USP4: variants seen among roughly 807,000 people sequenced by gnomAD.
USP4 encodes the protein ubiquitin specific peptidase 4.
Under a neutral mutation model 118.2 loss-of-function variants are expected in USP4, and 72 were observed. The ratio of observed to expected loss-of-function variants is 0.61; its 90% CI spans 0.50 to 0.74. The LOEUF is 0.74. Ranked by LOEUF, USP4 falls within the 30% of genes least tolerant of loss-of-function variation. The pLI is 0.00. For synonymous variants in USP4, 415 were observed against 440.4 expected (o/e 0.94, Z 0.72); for missense variants, 1,037 against 1,185.7 (o/e 0.87, Z 1.84).
intron 1 of USP4, among the ~76,000 whole-genome samples, chr3:49,336,374 A>G (rs2107807276): frequency 6.6e-6 from 1 of 150,942 alleles, no homozygotes; most frequent in Non-Finnish European, 1.5e-5. Context: ...GAGTTTCACC[A>G]TGTTGGCCAG....
intron 1 of USP4, among the ~76,000 whole-genome samples, chr3:49,338,940 G>C (rs561118262): frequency 1.2e-3 from 186 of 152,258 alleles, no homozygotes; most frequent in Non-Finnish European, 2.0e-3. Flanking sequence ...AAGGTCAAGA[G>C]TTTGAGACCA....
chr3:49,326,048 G>A (rs964585885), intron 3 of USP4, among the ~76,000 whole-genome samples: 2 of 152,190 alleles, frequency 1.3e-5, no homozygotes, highest in African/African-American at 4.8e-5. Flanking sequence ...CGCGTGTGGT[G>A]GCTCACGCTT....
At chr3:49,320,230 C>G (rs1208429948) in intron 6 of USP4, among the ~76,000 whole-genome samples, 1 of 152,020 alleles carries the variant, frequency 6.6e-6, no homozygotes, top group Non-Finnish European at 1.5e-5. Flanking sequence ...TCTTTTTTTC[C>G]AAGAGACAGG....
At chr3:49,305,943 C>G (rs550422390) in intron 8 of USP4, 55 bp from the exon 9 acceptor site, 14 of 1,485,552 alleles carry the variant, frequency 9.4e-6, no homozygotes, top group African/African-American at 2.8e-5. Context: ...ACCAGAGATA[C>G]AAGATAAATC....
chr3:49,278,802 T>C lies in USP4; in HGVS notation c.2733+12A>G. 5.1e-6 allele frequency: 8 copies of C among 1,582,626 alleles called. No individual in the cohort carries two copies. Among genetic ancestry groups the C allele is most frequent in the Non-Finnish European group, 6.9e-6 (8 of 1,158,564 alleles). On this transcript the variant is annotated intron_variant, in intron 21 of 21. Transcript: ENST00000265560. The stretch of plus-strand genomic sequence containing the variant: ...CGACATGAGGAAGAACCACATATCA[T>C]GGCCTACTCACCACTATCTGATCCT...
Position 49,277,239 on chromosome 3 carries a change from C to T in USP4, c.*1054G>A, listed in dbSNP as rs779261657. On this transcript the variant is annotated 3_prime_UTR_variant, in exon 22 of 22. Transcript: ENST00000265560. ...ACGGTCATCGCATGCGCGTGCCCCG[C>T]GCAGGCCCCAAACCCCCACGGATTA... 3.0e-6 allele frequency: 4 copies of T among 1,311,634 alleles called. No homozygotes were observed. In the South Asian group the frequency reaches 4.9e-5, roughly 16 times the overall value. The allele number at this position is 1,311,634 out of a possible 1,614,324, so 81.2% of individuals were successfully genotyped here.
At position 49,302,560 on chromosome 3, in the gene USP4, G is replaced by T; in HGVS notation, c.1129-18C>A. 2 of 1,609,170 alleles carry T rather than the reference G, an allele frequency of 1.2e-6. No individual in the cohort carries two copies. Among genetic ancestry groups the T allele is most frequent in the Non-Finnish European group, 1.7e-6 (2 of 1,178,510 alleles). On this transcript the variant is annotated intron_variant, in intron 9 of 21. Transcript: ENST00000265560. ...ACTTGAGTCTACAACAAAAGCAACT[G>T]TATCAGAAGGCATAATACGTAAAGA...
intron 2 of USP4, among the ~76,000 whole-genome samples, chr3:49,330,834 C>T (rs2107803230): frequency 6.6e-6 from 1 of 150,510 alleles, no homozygotes; most frequent in East Asian, 2.0e-4. Context: ...CATGGTGAAA[C>T]CCCGTCTCTA....
In USP4 at chr3:49,310,650, T is replaced by TCCCAGGTTTCCAAGTCCACAGAG; in HGVS notation, c.901_923dup (p.Asn309SerfsTer13). On this transcript the variant is annotated frameshift_variant, in exon 8 of 22. Transcript: ENST00000265560. LOFTEE classifies it high-confidence loss of function. ...AAGCGGAGTTCATGAAGCAGGTGTT[T>TCCCAGGTTTCCAAGTCCACAGAG]CCCAGGTTTCCAAGTCCACAGAGCC... 6.2e-7 allele frequency: 1 copy of TCCCAGGTTTCCAAGTCCACAGAG among 1,614,110 alleles called. No homozygotes were observed. The highest frequency in any genetic ancestry group is 8.5e-7 in the Non-Finnish European group (1 of 1,179,996).
rs555874115 is a variant in USP4, at chr3:49,278,889, C to T, written c.2658G>A (p.Ala886=). Reference sequence around the variant, plus strand: ...ACCATTTACCATTCAGTTTGTTCTTCGCATATGCAGTGTCTGCCAAGTCAA... The same window carrying T: ...ACCATTTACCATTCAGTTTGTTCTTTGCATATGCAGTGTCTGCCAAGTCAA... ...AMGVGHYTAY[A]KNKLNGKWYY... Residue 886 remains alanine, a synonymous_variant, in exon 21 of 22, where the codon GCG becomes GCA. Transcript: ENST00000265560. The T allele has an allele frequency of 5.6e-6, 9 of 1,611,500 alleles. No homozygotes were observed. The East Asian group carries it at 8.9e-5, about 16-fold the overall frequency.
At chr3:49,314,115 G>A (rs912043807) in intron 6 of USP4, 1 of 152,182 alleles carries the variant, frequency 6.6e-6, no homozygotes, top group Non-Finnish European at 1.5e-5. Context: ...AAGATGTACT[G>A]TTCCCACACA....
intron 2 of USP4, among the ~76,000 whole-genome samples, chr3:49,330,199 CA>C (rs772896258): frequency 2.7e-5 from 4 of 150,316 alleles, no homozygotes; most frequent in African/African-American, 1.0e-4. Context: ...AACAAACAAA[CA>C]AAAAAAGTTG....
chr3:49,279,734 T>C (rs2046997743), intron 20 of USP4, among the ~76,000 whole-genome samples: 1 of 152,172 alleles, frequency 6.6e-6, no homozygotes, highest in Non-Finnish European at 1.5e-5. Flanking sequence ...ACTATAGCAT[T>C]GACTGCACAA....
At chr3:49,281,711 T>C (rs2107763681) in intron 19 of USP4, among the ~76,000 whole-genome samples, 1 of 131,528 alleles carries the variant, frequency 7.6e-6, no homozygotes, top group African/African-American at 3.0e-5. Context: ...CGTAACTCCG[T>C]CTCAAAAAAA....
chr3:49,284,431 T>C lies in USP4; in HGVS notation c.2390+35A>G, dbSNP rs180724783. 159 of 1,563,514 alleles carry C rather than the reference T, an allele frequency of 1.0e-4. No individual in the cohort carries two copies. In the Admixed American group the frequency reaches 1.6e-3, roughly 16 times the overall value. ...TAGCAGATCTGAGTCCTGGGGTGCA[T>C]GGGGCCTCTGCCCAGACAGTGAGGA... On this transcript the variant is annotated intron_variant, in intron 18 of 21. Transcript: ENST00000265560.
At chr3:49,312,668 T>G (rs952763269) in intron 6 of USP4, 1 of 345,780 alleles carries the variant, frequency 2.9e-6, no homozygotes, top group African/African-American at 2.2e-5. Context: ...AGCATGTGCC[T>G]GTAGTCCCAG....
intron 6 of USP4, among the ~76,000 whole-genome samples, chr3:49,316,310 G>A (rs1454854462): frequency 6.6e-6 from 1 of 152,032 alleles, no homozygotes; most frequent in Non-Finnish European, 1.5e-5. Context: ...TTTATTTTGA[G>A]AGTGTCTCAC....
At position 49,294,658 on chromosome 3, in the gene USP4, T is replaced by A. The variant is rs1424763060; in HGVS notation, c.1692-60A>T. Reference sequence around the variant, plus strand: ...TAGGTCCTTGTGAACAACAGAGATCTGAGCTGAAGCTATGTGGTGGCCAGG... The same window carrying A: ...TAGGTCCTTGTGAACAACAGAGATCAGAGCTGAAGCTATGTGGTGGCCAGG... On this transcript the variant is annotated intron_variant, in intron 13 of 21. Transcript: ENST00000265560. The A allele has an allele frequency of 1.2e-5, 18 of 1,527,644 alleles. No individual in the cohort carries two copies. In the Admixed American group the frequency reaches 3.2e-4, roughly 27 times the overall value. The allele number at this position is 1,527,644 out of a possible 1,614,324, so 94.6% of individuals were successfully genotyped here.
intron 7 of USP4, 69 bp downstream of exon 7, chr3:49,311,445 T>G: frequency 2.8e-4 from 427 of 1,551,248 alleles, no homozygotes; most frequent in Middle Eastern, 6.7e-4. Flanking sequence ...GAGCAGCAGA[T>G]GAGCTCTCAA....
Sources: allele counts gnomAD v4.1 joint callset (sites outside exome capture counted in the v4.1 genomes callset), GRCh38; gene constraint gnomAD v4.1.1; transcripts MANE v1.5; gene names NCBI Gene and HGNC (gene_info 2026-07-23, HGNC 2026-07-21).